KIF1B: variants seen among roughly 807,000 people sequenced by gnomAD.
KIF1B encodes the protein kinesin family member 1B.
A neutral mutation model predicts 241.9 loss-of-function variants in KIF1B; 76 were observed. That is an observed-to-expected ratio of 0.31 (90% CI 0.26 to 0.38). The LOEUF (loss-of-function observed/expected upper bound fraction) is 0.38. KIF1B is among the 10% of genes least tolerant of loss of function. KIF1B has a pLI of 1.00. For missense variants in KIF1B, 1,622 were observed against 2,271.4 expected, an observed-to-expected ratio of 0.71 and a Z score of 5.81; for synonymous variants, 750 against 796.7, an observed-to-expected ratio of 0.94 and a Z score of 0.99.
rs189365160 is a variant in KIF1B, at chr1:10,359,714, A to G, written c.4056-1215A>G. 3.3e-5 allele frequency among the ~76,000 whole-genome samples: 5 copies of G among 152,266 alleles called. No homozygotes were observed. The East Asian group carries it at 9.6e-4, about 29-fold the overall frequency. On this transcript the variant is annotated intron_variant, in intron 38 of 48. Transcript: ENST00000676179. ...TTCTCTTTTACTGAAACATCAGTTA[A>G]GAATAACCTTGTATTCTTTTATTTA...
Position 10,365,058 on chromosome 1 carries a change from A to T in KIF1B, c.4367-42A>T, listed in dbSNP as rs764120840. The stretch of plus-strand genomic sequence containing the variant: ...TCGTTTTGACCTAAACTTGGAATTG[A>T]ATTTTTTTTCTGAAACAAAAACTTG... On this transcript the variant is annotated intron_variant, in intron 41 of 48. Transcript: ENST00000676179. This position sits in a 1 kb window ranked among gnomAD's most constrained non-coding sequence, Gnocchi z 4.0. 1.3e-6 allele frequency: 2 copies of T among 1,547,636 alleles called. No homozygotes were observed. Among genetic ancestry groups the T allele is most frequent in the South Asian group, 2.3e-5 (2 of 87,838 alleles).
chr1:10,337,163 C>G lies in KIF1B; in HGVS notation c.3219C>G (p.Val1073=), dbSNP rs1453702486. The change falls in exon 30 of 49, where the codon GTC becomes GTG. Residue 1073 remains valine (V), a synonymous_variant. Coordinates refer to ENST00000676179, the MANE Select transcript of KIF1B (RefSeq NM_001365951.3). The surrounding 1 kb of genome is among the most constrained non-coding windows in gnomAD (Gnocchi z 4.0). The part of the protein sequence containing the change: ...IVEGQGQSSE[V]ITPPEEISRI... ...AAGGACAGGGTCAGAGTTCTGAGGT[C>G]ATCACTCCTCCAGAAGAAATCAGTC... 6.2e-7 allele frequency: 1 copy of G among 1,614,086 alleles called. No homozygotes were observed. The highest frequency in any genetic ancestry group is 8.5e-7 in the Non-Finnish European group (1 of 1,180,020).
At chr1:10,278,149 T>TA in intron 13 of KIF1B, 21 bp downstream of exon 13, 2 of 1,611,528 alleles carry the variant, frequency 1.2e-6, no homozygotes, top group Non-Finnish European at 8.5e-7. Context: ...TAAGGATCGT[T>TA]ACAAAATCTA....
intron 44 of KIF1B, 138 bp downstream of exon 44, chr1:10,368,676 C>T: frequency 1.4e-6 from 1 of 737,414 alleles, no homozygotes; most frequent in Non-Finnish European, 2.4e-6. Context: ...AAATTTATGA[C>T]ATACTGCTCT....
chr1:10,304,097 C>G (rs1650690186), intron 22 of KIF1B: 2 of 1,613,974 alleles, frequency 1.2e-6, no homozygotes, highest in African/African-American at 1.3e-5. Flanking sequence ...CACAGAAACT[C>G]TTGGAGTCCT....
chr1:10,320,360 G>T (rs1371340993), intron 23 of KIF1B, among the ~76,000 whole-genome samples: 1 of 152,014 alleles, frequency 6.6e-6, no homozygotes, highest in Non-Finnish European at 1.5e-5. Flanking sequence ...TTAGACCTTC[G>T]CACGGTTTCT....
intron 14 of KIF1B, among the ~76,000 whole-genome samples, chr1:10,281,724 T>G (rs1050919618): frequency 1.3e-5 from 2 of 152,212 alleles, no homozygotes; most frequent in African/African-American, 4.8e-5. Flanking sequence ...TAATTACCCC[T>G]TTTTTATTTA....
intron 22 of KIF1B, chr1:10,307,719 T>C (rs1650898536): frequency 2.9e-6 from 3 of 1,028,234 alleles, no homozygotes; most frequent in Admixed American, 5.7e-5. Context: ...CTAGCTATTA[T>C]TATAGCAAAG....
intron 44 of KIF1B, among the ~76,000 whole-genome samples, chr1:10,369,425 T>C (rs903704822): frequency 2.0e-5 from 3 of 152,022 alleles, no homozygotes; most frequent in African/African-American, 7.3e-5. Flanking sequence ...GGCCAATAGG[T>C]TGAGACCAGC....
chr1:10,214,733 C>A (rs923075591), intron 1 of KIF1B, among the ~76,000 whole-genome samples: 15 of 151,632 alleles, frequency 9.9e-5, no homozygotes, highest in Non-Finnish European at 1.6e-4. Context: ...CAGGTGCACA[C>A]CACCATGCCC....
Position 10,231,737 on chromosome 1 carries a change from A to G in KIF1B, c.-79-513A>G, listed in dbSNP as rs1404086225. ...GTAAGTGGTTTGCACGTGGAAAGTT[A>G]TCTGTTTAAGGAACTTCTTTAGCCA... On this transcript the variant is annotated intron_variant, in intron 1 of 48. Transcript: ENST00000676179. Among the ~76,000 whole-genome samples, 5 of 152,138 alleles carry G rather than the reference A, an allele frequency of 3.3e-5. No individual in the cohort carries two copies. The South Asian group carries it at 6.2e-4, about 19-fold the overall frequency.
intron 27 of KIF1B, among the ~76,000 whole-genome samples, chr1:10,327,798 T>C (rs779632524): frequency 1.3e-5 from 2 of 152,330 alleles, no homozygotes; most frequent in Middle Eastern, 3.4e-3. Flanking sequence ...TAGAATCACA[T>C]ATTGTTGAAT....
At chr1:10,271,688 A>G (rs571144163) in intron 8 of KIF1B, 109 bp downstream of exon 8, 3 of 809,156 alleles carry the variant, frequency 3.7e-6, no homozygotes, top group East Asian at 5.1e-5. Flanking sequence ...TGTATTGTCT[A>G]TGGCTGCTTT....
intron 14 of KIF1B, among the ~76,000 whole-genome samples, chr1:10,282,074 A>T (rs567239182): frequency 6.6e-6 from 1 of 152,314 alleles, no homozygotes; most frequent in East Asian, 1.9e-4. Flanking sequence ...GTTAACCTAC[A>T]TTGGAATCTT....
intron 38 of KIF1B, among the ~76,000 whole-genome samples, chr1:10,358,087 GCAGCAAGTC>G (rs141691889): frequency 0.028 from 4,010 of 143,032 alleles, 58 homozygotes; most frequent in African/African-American, 0.038. Context: ...AGAACTTGCT[GCAGCAAGTC>G]CAAAGCAAAA....
intron 22 of KIF1B, chr1:10,307,969 T>G (rs867448000): frequency 1.9e-6 from 2 of 1,055,502 alleles, no homozygotes; most frequent in Non-Finnish European, 2.3e-6. Flanking sequence ...GGGAATTGTT[T>G]ATTACATTGA....
chr1:10,272,860 A>G (rs1187975564), intron 9 of KIF1B, among the ~76,000 whole-genome samples, 154 bp from the exon 10 acceptor site: 1 of 152,098 alleles, frequency 6.6e-6, no homozygotes, highest in Non-Finnish European at 1.5e-5. Flanking sequence ...GTTTAGTTTA[A>G]AACCTCTTTT....
At chr1:10,224,203 G>A (rs187696652) in intron 1 of KIF1B, among the ~76,000 whole-genome samples, 14 of 152,086 alleles carry the variant, frequency 9.2e-5, no homozygotes, top group African/African-American at 3.4e-4. Context: ...TGCAACCTCC[G>A]CCTCCCGGGT....
At chr1:10,314,543 C>T (rs1010607759) in intron 22 of KIF1B, among the ~76,000 whole-genome samples, 30 of 151,456 alleles carry the variant, frequency 2.0e-4, no homozygotes, top group African/African-American at 7.3e-4. Flanking sequence ...CCTTAGCGTC[C>T]CGAGTAACTG....
Sources: allele counts gnomAD v4.1 joint callset (sites outside exome capture counted in the v4.1 genomes callset), GRCh38; gene constraint gnomAD v4.1.1; non-coding constraint Gnocchi (gnomAD v3.1); transcripts MANE v1.5; gene names NCBI Gene and HGNC (gene_info 2026-07-23, HGNC 2026-07-21).